The following KDM4C variants were observed in gnomAD, a reference collection of about 807,000 sequenced individuals.
KDM4C encodes the protein lysine demethylase 4C.
A neutral mutation model predicts 129.3 loss-of-function variants in KDM4C; 81 were observed. The ratio of observed to expected loss-of-function variants is 0.63; its 90% CI spans 0.52 to 0.75. The LOEUF is 0.75. Among genes scored for constraint, KDM4C ranks in the 30% least tolerant of loss-of-function variants. The pLI is 0.00. For synonymous variants in KDM4C, 573 were observed against 456.1 expected (o/e 1.26, Z -3.26); for missense variants, 1,457 against 1,304.0 (o/e 1.12, Z -1.81).
At chr9:7,113,441 C>A (rs977024841) in intron 18 of KDM4C, among the ~76,000 whole-genome samples, 3 of 152,082 alleles carry the variant, frequency 2.0e-5, no homozygotes, top group Non-Finnish European at 4.4e-5. Context: ...TAAATATATC[C>A]CATTAAACAT....
At chr9:7,119,119 A>G (rs1839229434) in intron 18 of KDM4C, among the ~76,000 whole-genome samples, 1 of 152,160 alleles carries the variant, frequency 6.6e-6, no homozygotes, top group Admixed American at 6.5e-5. Context: ...TTAGGCCACC[A>G]AGAAATTACC....
At chr9:7,077,043 T>C in intron 17 of KDM4C, 1 of 985,516 alleles carries the variant, frequency 1.0e-6, no homozygotes, top group Non-Finnish European at 1.2e-6. Context: ...ACAAAGCAAC[T>C]GAACGTATTT....
chr9:7,011,220 G>A (rs887221934), intron 12 of KDM4C, among the ~76,000 whole-genome samples: 1 of 152,110 alleles, frequency 6.6e-6, no homozygotes, highest in African/African-American at 2.4e-5. Context: ...CTTGAACCCA[G>A]AATTTAATTC....
chr9:6,882,691 T>G (rs1340267215), intron 6 of KDM4C, among the ~76,000 whole-genome samples: 2 of 152,182 alleles, frequency 1.3e-5, no homozygotes, highest in African/African-American at 4.8e-5. Flanking sequence ...TTTGTTACCT[T>G]ATTAAAAAAG....
intron 8 of KDM4C, among the ~76,000 whole-genome samples, chr9:6,949,133 G>T (rs28632803): frequency 0.06 from 9,059 of 150,938 alleles, 744 homozygotes; most frequent in African/African-American, 0.19. Context: ...CCCAGACGGG[G>T]CGGCTGCTGG....
intron 8 of KDM4C, among the ~76,000 whole-genome samples, chr9:6,945,735 A>C (rs1296157455): frequency 1.3e-5 from 2 of 152,194 alleles, no homozygotes; most frequent in Non-Finnish European, 2.9e-5. Flanking sequence ...TTGGCTTTTA[A>C]TCTAAGGTAC....
At chr9:7,107,461 G>T (rs976780053) in intron 18 of KDM4C, among the ~76,000 whole-genome samples, 3 of 152,204 alleles carry the variant, frequency 2.0e-5, no homozygotes, top group Admixed American at 6.5e-5. Flanking sequence ...AATAACAGAG[G>T]TGAGAAAATG....
intron 19 of KDM4C, among the ~76,000 whole-genome samples, chr9:7,144,652 A>G (rs1434931730): frequency 6.6e-6 from 1 of 152,198 alleles, no homozygotes; most frequent in African/African-American, 2.4e-5. Context: ...TCATCCGCAT[A>G]TACATTTCTT....
rs573392547 is a variant in KDM4C, at chr9:7,026,324, G to A, written c.2259+10395G>A. ...GGGAAAGTCTTTTTTTCTCCTTTAC[G>A]TTCAGAGGATATTTTCACCAGATAT... On this transcript the variant is annotated intron_variant, in intron 15 of 21. Coordinates refer to ENST00000381309, the MANE Select transcript of KDM4C (RefSeq NM_015061.6). Among the ~76,000 whole-genome samples the A allele has an allele frequency of 2.0e-5, 3 of 151,354 alleles. No homozygotes were observed. The East Asian group carries it at 5.8e-4, about 29-fold the overall frequency.
At chr9:6,787,019 A>G (rs965550856) in intron 1 of KDM4C, among the ~76,000 whole-genome samples, 1 of 152,202 alleles carries the variant, frequency 6.6e-6, no homozygotes, top group African/African-American at 2.4e-5. Flanking sequence ...AAAAGGTCTA[A>G]AACCTAAGCT....
intron 17 of KDM4C, among the ~76,000 whole-genome samples, chr9:7,091,445 A>G (rs932092396): frequency 6.6e-6 from 1 of 152,258 alleles, no homozygotes; most frequent in Non-Finnish European, 1.5e-5. Flanking sequence ...ATTTAAAGAA[A>G]GAGTTTTTCC....
At chr9:6,786,045 A>ACAT (rs1825412272) in intron 1 of KDM4C, among the ~76,000 whole-genome samples, 1 of 152,242 alleles carries the variant, frequency 6.6e-6, no homozygotes, top group African/African-American at 2.4e-5. Context: ...GCAGCAGTGC[A>ACAT]CATCAGTTCT....
intron 1 of KDM4C, among the ~76,000 whole-genome samples, chr9:6,743,069 A>C (rs72697597): frequency 3.3e-5 from 5 of 152,064 alleles, no homozygotes; most frequent in Non-Finnish European, 5.9e-5. Flanking sequence ...ATCAGCAAAC[A>C]TAAGTGTGGC....
intron 17 of KDM4C, among the ~76,000 whole-genome samples, chr9:7,101,165 A>C (rs1837039526): frequency 6.6e-6 from 1 of 152,144 alleles, no homozygotes; most frequent in Admixed American, 6.5e-5. Flanking sequence ...CATTAATTGT[A>C]GCATGCCTAT....
At chr9:7,105,687 G>A (rs1222538764) in intron 18 of KDM4C, among the ~76,000 whole-genome samples, 1 of 152,164 alleles carries the variant, frequency 6.6e-6, no homozygotes, top group Admixed American at 6.5e-5. Context: ...TTCATCTGAA[G>A]CTTTGCTTGG....
At chr9:7,163,859 T>C (rs1844071411) in intron 19 of KDM4C, among the ~76,000 whole-genome samples, 1 of 152,294 alleles carries the variant, frequency 6.6e-6, no homozygotes, top group African/African-American at 2.4e-5. Context: ...GTCAGTTCTG[T>C]AGAGCCTCCG....
intron 4 of KDM4C, among the ~76,000 whole-genome samples, chr9:6,832,184 C>T (rs963520323): frequency 7.3e-5 from 11 of 151,260 alleles, no homozygotes; most frequent in African/African-American, 2.7e-4. Flanking sequence ...TAAAAAAATA[C>T]AAAAAATTAG....
chr9:7,153,721 C>T (rs1346175197), intron 19 of KDM4C, among the ~76,000 whole-genome samples: 1 of 152,154 alleles, frequency 6.6e-6, no homozygotes, highest in Non-Finnish European at 1.5e-5. Flanking sequence ...CAGAAACTGA[C>T]ATTGATTTAG....
chr9:6,826,543 T>C (rs183680258), intron 4 of KDM4C, among the ~76,000 whole-genome samples: 2 of 152,304 alleles, frequency 1.3e-5, no homozygotes, highest in Admixed American at 6.5e-5. Flanking sequence ...CCCATGATGA[T>C]AGATGTTCTT....
Sources: allele counts gnomAD v4.1 joint callset (sites outside exome capture counted in the v4.1 genomes callset), GRCh38; gene constraint gnomAD v4.1.1; transcripts MANE v1.5; gene names NCBI Gene and HGNC (gene_info 2026-07-23, HGNC 2026-07-21).